RAB38: variants seen among roughly 807,000 people sequenced by gnomAD.
RAB38 encodes ras-related protein Rab-38.
In RAB38, 15 loss-of-function variants were observed where a neutral mutation model predicts 18.4. That is an observed-to-expected ratio of 0.82 (90% confidence interval 0.55 to 1.26). RAB38 has a LOEUF of 1.26. Ranked by LOEUF, RAB38 falls within the 50% of genes most tolerant of loss-of-function variation. The probability of loss-of-function intolerance (pLI) is 0.00; values close to 1 mark genes in which losing one functional copy is unlikely to be tolerated. For missense variants in RAB38, 294 were observed against 267.4 expected, an observed-to-expected ratio of 1.10 and a Z score of -0.69; for synonymous variants, 101 against 104.4, an observed-to-expected ratio of 0.97 and a Z score of 0.20.
chr11:88,174,303 A>C (rs1306092921), intron 1 of RAB38, among the ~76,000 whole-genome samples: 4 of 152,162 alleles, frequency 2.6e-5, no homozygotes, highest in African/African-American at 9.7e-5. Flanking sequence ...GAGTAGATAC[A>C]TTGCACCCTC....
At chr11:87,882,225 T>C in the RAB38 span, among the ~76,000 whole-genome samples, 11 of 151,898 alleles carry the variant, frequency 7.2e-5, no homozygotes, top group African/African-American at 2.7e-4. Context: ...AAATAAGTTC[T>C]TTCTATGCTT....
chr11:87,822,313 A>C, the RAB38 span, among the ~76,000 whole-genome samples: 1 of 152,240 alleles, frequency 6.6e-6, no homozygotes, highest in African/African-American at 2.4e-5. Flanking sequence ...ATCCAAGTAC[A>C]AGCATGTATT....
At chr11:87,896,367 A>C in the RAB38 span, among the ~76,000 whole-genome samples, 1 of 151,638 alleles carries the variant, frequency 6.6e-6, no homozygotes, top group African/African-American at 2.4e-5. Context: ...AGGGAGGTGA[A>C]CCATCCAATT....
chr11:88,031,617 C>T, the RAB38 span, among the ~76,000 whole-genome samples: 1 of 151,800 alleles, frequency 6.6e-6, no homozygotes, highest in Non-Finnish European at 1.5e-5. Flanking sequence ...CATGAGTGAA[C>T]TCCTATTCAC....
the RAB38 span, among the ~76,000 whole-genome samples, chr11:87,920,915 A>G: frequency 2.0e-5 from 3 of 152,016 alleles, no homozygotes; most frequent in Non-Finnish European, 4.4e-5. Flanking sequence ...ATAGCAGAAC[A>G]CCACATATTG....
the RAB38 span, among the ~76,000 whole-genome samples, chr11:87,862,387 TCCTTAGCAAATTAA>T: frequency 6.6e-6 from 1 of 151,920 alleles, no homozygotes; most frequent in African/African-American, 2.4e-5. Flanking sequence ...GAGGCCGTTA[TCCTTAGCAAATTAA>T]CACAGCACAG....
the RAB38 span, among the ~76,000 whole-genome samples, chr11:87,852,312 C>A: frequency 6.6e-6 from 1 of 152,086 alleles, no homozygotes; most frequent in African/African-American, 2.4e-5. Context: ...CTCCAAATGC[C>A]AAGCTGTCAA....
chr11:88,174,802 C>T (rs776902736), intron 1 of RAB38, among the ~76,000 whole-genome samples: 2 of 152,224 alleles, frequency 1.3e-5, no homozygotes, highest in Non-Finnish European at 2.9e-5. Context: ...CCCCTCGGTC[C>T]GCCCCTGCAC....
the RAB38 span, among the ~76,000 whole-genome samples, chr11:87,973,532 C>T: frequency 6.6e-6 from 1 of 151,652 alleles, no homozygotes; most frequent in Admixed American, 6.6e-5. Flanking sequence ...TGCTGGAGAC[C>T]AGGCAGAGTA....
At chr11:87,965,435 G>A in the RAB38 span, among the ~76,000 whole-genome samples, 7 of 152,060 alleles carry the variant, frequency 4.6e-5, no homozygotes, top group Non-Finnish European at 8.8e-5. Flanking sequence ...ATCGCTCTTC[G>A]ATGACGACTG....
At chr11:87,863,520 T>C in the RAB38 span, among the ~76,000 whole-genome samples, 1 of 151,668 alleles carries the variant, frequency 6.6e-6, no homozygotes, top group East Asian at 2.0e-4. Context: ...GTTTCAGACC[T>C]AGGACAGAAT....
chr11:87,932,915 T>C, the RAB38 span, among the ~76,000 whole-genome samples: 1 of 152,132 alleles, frequency 6.6e-6, no homozygotes, highest in African/African-American at 2.4e-5. Flanking sequence ...AATTTTATTT[T>C]CTTAATTTAG....
At chr11:87,926,512 T>TTTG in the RAB38 span, among the ~76,000 whole-genome samples, 64 of 150,982 alleles carry the variant, frequency 4.2e-4, no homozygotes, top group East Asian at 7.9e-3. Flanking sequence ...ATGGTGGTTT[T>TTTG]TTTGTTTGTT....
chr11:87,924,701 T>C, the RAB38 span, among the ~76,000 whole-genome samples: 2 of 152,020 alleles, frequency 1.3e-5, no homozygotes, highest in Admixed American at 1.3e-4. Flanking sequence ...ATGGTAACTC[T>C]TTTTTTCCCT....
At chr11:88,054,884 G>C in the RAB38 span, among the ~76,000 whole-genome samples, 1 of 152,174 alleles carries the variant, frequency 6.6e-6, no homozygotes, top group South Asian at 2.1e-4. Context: ...AAAGCCTTGG[G>C]CATGAGAATT....
the RAB38 span, among the ~76,000 whole-genome samples, chr11:88,006,936 A>G: frequency 1.3e-5 from 2 of 151,652 alleles, no homozygotes; most frequent in East Asian, 1.9e-4. Context: ...CTGTCAGTCT[A>G]TTGCATAGTC....
rs1039892797 is a variant in RAB38 at position 88,119,152 on chromosome 11, C to T, written c.484-5012G>A. On this transcript the variant is annotated intron_variant, in intron 2 of 2. Transcript: ENST00000243662. ...ATTCATATCCCTTGTAAAGTTAAAA[C>T]AAATATGTTACCAGGGCCCTCCTTC... Among the ~76,000 whole-genome samples the T allele has an allele frequency of 7.9e-5, 12 of 152,078 alleles. 1 individual carries two copies. Among genetic ancestry groups the T allele is most frequent in the African/African-American group, 2.9e-4 (12 of 41,496 alleles).
In RAB38 at chr11:88,113,331, G is replaced by C. The variant is rs1942498918; in HGVS notation, c.*657C>G. ...ATATATTACATGTATAGCATGTATA[G>C]AGGAGCCCCACAGCTTGAGTCAGAG... On this transcript the variant is annotated 3_prime_UTR_variant, in exon 3 of 3. Coordinates refer to ENST00000243662, the MANE Select transcript of RAB38 (RefSeq NM_022337.3). 1 of 152,614 alleles carries C rather than the reference G, an allele frequency of 6.6e-6. No individual in the cohort carries two copies. Among genetic ancestry groups the C allele is most frequent in the Non-Finnish European group, 1.5e-5 (1 of 68,116 alleles). The allele number at this position is 152,614 out of a possible 1,614,324, so 9.5% of individuals were successfully genotyped here. A position where few individuals can be genotyped will look rare whatever the true frequency, so the allele number is the denominator to read the frequency against.
chr11:87,855,740 C>A, the RAB38 span, among the ~76,000 whole-genome samples: 1 of 152,152 alleles, frequency 6.6e-6, no homozygotes, highest in Non-Finnish European at 1.5e-5. Flanking sequence ...TCTTTTCCTA[C>A]ATAAAAATAT....
Sources: gnomAD v4.1 joint callset for allele counts (sites outside exome capture counted in the v4.1 genomes callset) on GRCh38, gnomAD v4.1.1 for gene constraint, MANE v1.5 for transcripts, NCBI Gene and HGNC (gene_info 2026-07-23, HGNC 2026-07-21) for gene names.